Variants in TCF12 observed in about 807,000 individuals in gnomAD.
TCF12 encodes transcription factor 12.
In TCF12, 45 loss-of-function variants were observed where a neutral mutation model predicts 86.0. The observed-to-expected ratio is 0.52, with a 90% CI of 0.41 to 0.67. The LOEUF is 0.67. TCF12 is among the 30% of genes least tolerant of loss of function. The pLI, the probability that TCF12 is intolerant of heterozygous loss-of-function variation, is 0.00. For synonymous variants in TCF12, 330 were observed against 299.6 expected (o/e 1.10, Z -1.05); for missense variants, 881 against 859.9 (o/e 1.02, Z -0.31).
intron 4 of TCF12, chr15:57,072,636 A>T (rs1241919610): frequency 7.7e-7 from 1 of 1,292,188 alleles, no homozygotes; most frequent in East Asian, 4.6e-5. Flanking sequence ...ATAGTATTTT[A>T]TGCCTCTTGA....
At chr15:57,251,456 T>C (rs746024800) in intron 14 of TCF12, 33 bp downstream of exon 14, 2 of 1,604,548 alleles carry the variant, frequency 1.2e-6, no homozygotes, top group East Asian at 4.5e-5. Flanking sequence ...TTTTATCTGA[T>C]AGCTTAGAGT....
chr15:57,171,611 G>A (rs192084761), intron 6 of TCF12, among the ~76,000 whole-genome samples: 1 of 152,188 alleles, frequency 6.6e-6, no homozygotes, highest in African/African-American at 2.4e-5. Flanking sequence ...AATAATGCCT[G>A]ATGGGCCTTA....
intron 3 of TCF12, among the ~76,000 whole-genome samples, chr15:56,961,154 T>C (rs1428816074): frequency 1.3e-5 from 2 of 151,470 alleles, no homozygotes; most frequent in African/African-American, 4.9e-5. Context: ...AATCAGTTCA[T>C]TAAATAAGTA....
At chr15:56,920,086 G>A in intron 2 of TCF12, 98 bp downstream of exon 2, 2 of 1,340,462 alleles carry the variant, frequency 1.5e-6, no homozygotes, top group Non-Finnish European at 2.1e-6. Context: ...AAGCAACGTG[G>A]AGACTAGGCA....
intron 3 of TCF12, among the ~76,000 whole-genome samples, chr15:57,038,402 T>C (rs1354263155): frequency 8.4e-6 from 1 of 118,856 alleles, no homozygotes; most frequent in Non-Finnish European, 1.6e-5. Flanking sequence ...GCACTCCAGC[T>C]GGGTGACAGA....
At chr15:57,183,933 T>TATAG (rs1290468359) in intron 6 of TCF12, among the ~76,000 whole-genome samples, 3 of 152,108 alleles carry the variant, frequency 2.0e-5, no homozygotes, top group African/African-American at 7.2e-5. Flanking sequence ...CTTTTAGAAA[T>TATAG]ATAGGAAATA....
At chr15:56,936,239 G>C (rs1360456958) in intron 3 of TCF12, among the ~76,000 whole-genome samples, 2 of 152,128 alleles carry the variant, frequency 1.3e-5, no homozygotes, top group East Asian at 3.8e-4. Context: ...TAGCGATGTT[G>C]AGCATTTTTT....
intron 8 of TCF12, among the ~76,000 whole-genome samples, chr15:57,224,154 GA>G (rs1340832226): frequency 1.4e-4 from 22 of 151,984 alleles, no homozygotes; most frequent in African/African-American, 4.6e-4. Flanking sequence ...TCAACTTTAT[GA>G]ATGTTTTTGA....
chr15:56,963,577 A>G (rs11630965), intron 3 of TCF12, among the ~76,000 whole-genome samples: 104,869 of 151,954 alleles, frequency 0.69, 36,743 homozygotes, highest in Non-Finnish European at 0.75. Flanking sequence ...ATGTGAAAAG[A>G]GGGAGCTCTT....
At chr15:56,968,248 C>A (rs543154309) in intron 3 of TCF12, among the ~76,000 whole-genome samples, 1 of 152,094 alleles carries the variant, frequency 6.6e-6, no homozygotes, top group Non-Finnish European at 1.5e-5. Flanking sequence ...TGAGCCACTG[C>A]GCGCAGTCAA....
chr15:56,992,784 A>G (rs116777582), intron 3 of TCF12, among the ~76,000 whole-genome samples: 1,764 of 152,286 alleles, frequency 0.012, 32 homozygotes, highest in African/African-American at 0.04. Context: ...AATTAGTGCA[A>G]TTTTGGTGAA....
intron 6 of TCF12, among the ~76,000 whole-genome samples, chr15:57,176,991 A>G (rs1370995438): frequency 1.3e-5 from 2 of 152,202 alleles, no homozygotes; most frequent in Non-Finnish European, 2.9e-5. Flanking sequence ...ACGTAAGACT[A>G]GCTCTTGGAT....
rs75265167 is a variant in TCF12 at position 57,191,459 on chromosome 15, C to G, written c.391-699C>G. 7.3e-4 allele frequency among the ~76,000 whole-genome samples: 111 copies of G among 152,072 alleles called. 3 individuals are homozygous for G. The East Asian group carries it at 0.02, about 27-fold the overall frequency. ...GCCTGAGTGACAGAGCATAATCCAT[C>G]TCTAAAAAGAAAAAAGGAAAGGAAG... On this transcript the variant is annotated intron_variant, in intron 6 of 20. Coordinates refer to ENST00000333725, the MANE Select transcript of TCF12 (RefSeq NM_207037.2).
chr15:57,083,241 G>GC (rs2048423644), intron 4 of TCF12, among the ~76,000 whole-genome samples: 1 of 152,072 alleles, frequency 6.6e-6, no homozygotes, highest in Admixed American at 6.5e-5. Flanking sequence ...TGAGTTGTGG[G>GC]CACATGACTT....
chr15:57,167,289 G>A (rs984250365), intron 6 of TCF12, among the ~76,000 whole-genome samples: 4 of 152,150 alleles, frequency 2.6e-5, no homozygotes, highest in East Asian at 1.9e-4. Flanking sequence ...GGCTGGCCAC[G>A]GTGGCTCACG....
At chr15:57,110,647 G>A (rs776097097) in intron 5 of TCF12, among the ~76,000 whole-genome samples, 1 of 152,180 alleles carries the variant, frequency 6.6e-6, no homozygotes, top group Non-Finnish European at 1.5e-5. Flanking sequence ...TTTCTGTCTA[G>A]TTCCATAAAA....
intron 3 of TCF12, among the ~76,000 whole-genome samples, chr15:56,925,565 T>A (rs780508964): frequency 1.3e-5 from 2 of 152,234 alleles, no homozygotes; most frequent in Non-Finnish European, 2.9e-5. Context: ...AGCCATATAG[T>A]CTTTTCTGCT....
At chr15:57,211,577 T>G (rs1309799103) in intron 8 of TCF12, among the ~76,000 whole-genome samples, 1 of 152,234 alleles carries the variant, frequency 6.6e-6, no homozygotes, top group Non-Finnish European at 1.5e-5. Flanking sequence ...AATTATGTTT[T>G]CAAATTCCTT....
At chr15:56,956,742 T>C (rs1164811066) in intron 3 of TCF12, among the ~76,000 whole-genome samples, 1 of 152,220 alleles carries the variant, frequency 6.6e-6, no homozygotes, top group East Asian at 1.9e-4. Context: ...AGAAATCTAA[T>C]GATAGTCTTA....
Sources: allele counts gnomAD v4.1 joint callset (sites outside exome capture counted in the v4.1 genomes callset), GRCh38; gene constraint gnomAD v4.1.1; transcripts MANE v1.5; gene names NCBI Gene and HGNC (gene_info 2026-07-23, HGNC 2026-07-21).